The following SLC4A10 variants were observed in gnomAD, a reference collection of about 807,000 sequenced individuals.
SLC4A10 encodes the protein solute carrier family 4 member 10, also known as sodium-driven chloride bicarbonate exchanger.
A neutral mutation model predicts 137.7 loss-of-function variants in SLC4A10; 42 were observed. The ratio of observed to expected loss-of-function variants is 0.30; its 90% CI spans 0.24 to 0.39. The LOEUF is 0.39. Ranked by LOEUF, SLC4A10 falls within the 10% of genes least tolerant of loss-of-function variation. The pLI, the probability that SLC4A10 is intolerant of heterozygous loss-of-function variation, is 1.00. For synonymous variants in SLC4A10, 474 were observed against 464.1 expected, an observed-to-expected ratio of 1.02 and a Z score of -0.27; for missense variants, 925 against 1,355.0, an observed-to-expected ratio of 0.68 and a Z score of 4.98.
chr2:161,813,135 G>A (rs138180867), intron 3 of SLC4A10, among the ~76,000 whole-genome samples: 1 of 151,962 alleles, frequency 6.6e-6, no homozygotes, highest in Non-Finnish European at 1.5e-5. Flanking sequence ...TCAGAGCTAT[G>A]CTTTTCCTTT....
At chr2:161,624,688 A>C in intron 1 of SLC4A10, 122 bp downstream of exon 1, 1 of 1,315,010 alleles carries the variant, frequency 7.6e-7, no homozygotes. Flanking sequence ...CCTACGACAT[A>C]TGGACAGGGG....
At chr2:161,852,502 T>G (rs1052240078) in intron 4 of SLC4A10, among the ~76,000 whole-genome samples, 1 of 152,176 alleles carries the variant, frequency 6.6e-6, no homozygotes, top group Non-Finnish European at 1.5e-5. Flanking sequence ...TTGAGTCTTA[T>G]TCACAAAGGA....
intron 2 of SLC4A10, among the ~76,000 whole-genome samples, chr2:161,793,034 C>A (rs1330072977): frequency 1.3e-5 from 2 of 151,988 alleles, no homozygotes; most frequent in African/African-American, 4.8e-5. Context: ...CATTGCAACC[C>A]TAATAGGATT....
chr2:161,736,065 T>C (rs1003125495), intron 1 of SLC4A10, among the ~76,000 whole-genome samples: 3 of 152,146 alleles, frequency 2.0e-5, no homozygotes, highest in African/African-American at 7.2e-5. Flanking sequence ...ACATAATACA[T>C]AGAGACATAG....
intron 26 of SLC4A10, among the ~76,000 whole-genome samples, chr2:161,982,724 G>A (rs1051535940): frequency 9.2e-5 from 14 of 152,140 alleles, no homozygotes; most frequent in Admixed American, 3.3e-4. Context: ...CTTCATCAAA[G>A]GTCAGGATCC....
At chr2:161,794,013 T>C (rs2125549174) in intron 2 of SLC4A10, among the ~76,000 whole-genome samples, 1 of 152,276 alleles carries the variant, frequency 6.6e-6, no homozygotes, top group South Asian at 2.1e-4. Context: ...ATGAAGTTAA[T>C]AACAATATTG....
chr2:161,775,366 A>G (rs1190966168), intron 2 of SLC4A10, among the ~76,000 whole-genome samples: 1 of 151,920 alleles, frequency 6.6e-6, no homozygotes, highest in Non-Finnish European at 1.5e-5. Flanking sequence ...GAAGTACAAC[A>G]GTACATATTT....
At chr2:161,944,562 G>A (rs931811977) in intron 16 of SLC4A10, among the ~76,000 whole-genome samples, 1 of 151,608 alleles carries the variant, frequency 6.6e-6, no homozygotes, top group Non-Finnish European at 1.5e-5. Context: ...TGCAATTAAA[G>A]CAAATACAGC....
At chr2:161,817,829 A>G (rs1236815166) in intron 3 of SLC4A10, among the ~76,000 whole-genome samples, 2 of 151,990 alleles carry the variant, frequency 1.3e-5, no homozygotes, top group African/African-American at 4.8e-5. Context: ...GTTCTGTTCC[A>G]TTGATCTATA....
intron 2 of SLC4A10, among the ~76,000 whole-genome samples, chr2:161,802,166 A>G (rs111352046): frequency 2.6e-3 from 397 of 152,246 alleles, no homozygotes; most frequent in African/African-American, 8.5e-3. Flanking sequence ...AAACCTGAAT[A>G]TAGAAACTAT....
chr2:161,806,673 C>T (rs898392806), intron 3 of SLC4A10, among the ~76,000 whole-genome samples: 1 of 152,132 alleles, frequency 6.6e-6, no homozygotes, highest in Non-Finnish European at 1.5e-5. Flanking sequence ...TCATCTCCAC[C>T]TGAGACCACC....
chr2:161,829,596 A>T (rs1384909368), intron 3 of SLC4A10, among the ~76,000 whole-genome samples: 1 of 152,156 alleles, frequency 6.6e-6, no homozygotes, highest in African/African-American at 2.4e-5. Context: ...TTTGTTTTTT[A>T]TACTATTTGC....
chr2:161,724,519 A>G (rs2046020835), intron 1 of SLC4A10, among the ~76,000 whole-genome samples: 1 of 152,216 alleles, frequency 6.6e-6, no homozygotes, highest in Admixed American at 6.5e-5. Flanking sequence ...TGTGAACAAG[A>G]TAGATATAAT....
At chr2:161,929,989 A>G (rs1448581808) in intron 15 of SLC4A10, among the ~76,000 whole-genome samples, 1 of 152,140 alleles carries the variant, frequency 6.6e-6, no homozygotes, top group Non-Finnish European at 1.5e-5. Flanking sequence ...CACTATATAA[A>G]TCTTTTAGTT....
At chr2:161,766,122 A>G (rs1285098587) in intron 1 of SLC4A10, among the ~76,000 whole-genome samples, 2 of 152,154 alleles carry the variant, frequency 1.3e-5, no homozygotes, top group African/African-American at 4.8e-5. Flanking sequence ...TGAAGCTTCA[A>G]AATGAGACAC....
intron 1 of SLC4A10, among the ~76,000 whole-genome samples, chr2:161,701,006 A>T (rs2043067326): frequency 6.6e-6 from 1 of 151,918 alleles, no homozygotes; most frequent in Admixed American, 6.6e-5. Context: ...TTCAGCAATG[A>T]CTCTATGACA....
At chr2:161,801,217 C>T (rs2055331368) in intron 2 of SLC4A10, among the ~76,000 whole-genome samples, 1 of 151,750 alleles carries the variant, frequency 6.6e-6, no homozygotes, top group African/African-American at 2.4e-5. Context: ...TTTCTTGAGG[C>T]CATTTTCTTA....
At chr2:161,692,298 G>T (rs558741529) in intron 1 of SLC4A10, among the ~76,000 whole-genome samples, 63 of 152,006 alleles carry the variant, frequency 4.1e-4, no homozygotes, top group African/African-American at 1.5e-3. Flanking sequence ...ATTATTCAAA[G>T]AAAAATATAT....
chr2:161,948,311 A>T (rs1238881210), intron 17 of SLC4A10, among the ~76,000 whole-genome samples: 1 of 152,166 alleles, frequency 6.6e-6, no homozygotes, highest in Non-Finnish European at 1.5e-5. Context: ...CTTCTGAGGG[A>T]TGAGCTATAG....
Sources: gnomAD v4.1 joint callset for allele counts (sites outside exome capture counted in the v4.1 genomes callset) on GRCh38, gnomAD v4.1.1 for gene constraint, MANE v1.5 for transcripts, NCBI Gene and HGNC (gene_info 2026-07-23, HGNC 2026-07-21) for gene names.